BRDT: variants seen among roughly 807,000 people sequenced by gnomAD.
BRDT encodes the protein bromodomain testis-specific protein.
In BRDT, 77 loss-of-function variants were observed where a neutral mutation model predicts 113.9. That is an observed-to-expected ratio of 0.68 (90% confidence interval 0.56 to 0.82). BRDT has a LOEUF of 0.82. BRDT is among the 40% of genes least tolerant of loss of function. The pLI, the probability that BRDT is intolerant of heterozygous loss-of-function variation, is 0.00. For synonymous variants in BRDT, 358 were observed against 366.5 expected, an observed-to-expected ratio of 0.98 and a Z score of 0.26; for missense variants, 1,027 against 1,105.4, an observed-to-expected ratio of 0.93 and a Z score of 1.01.
chr1:91,978,671 A>G (rs1684387490), intron 7 of BRDT, among the ~76,000 whole-genome samples: 1 of 152,138 alleles, frequency 6.6e-6, no homozygotes, highest in Non-Finnish European at 1.5e-5. Flanking sequence ...TGCAGGTAAT[A>G]GAATGATCTA....
At chr1:91,957,310 G>A (rs892349890) in intron 1 of BRDT, among the ~76,000 whole-genome samples, 34 of 152,054 alleles carry the variant, frequency 2.2e-4, no homozygotes, top group African/African-American at 7.5e-4. Context: ...TGGCTAACAC[G>A]GTGAAACCCT....
rs761217761 is a variant in BRDT at position 92,002,081 on chromosome 1, G to A, written c.2320G>A (p.Val774Met). 6.2e-7 allele frequency: 1 copy of A among 1,613,846 alleles called. No individual in the cohort carries two copies. Among genetic ancestry groups the A allele is most frequent in the Non-Finnish European group, 8.5e-7 (1 of 1,179,804 alleles). Residue 774 changes from valine to methionine, a missense_variant, in exon 16 of 19, where the codon GTG becomes ATG. By Grantham distance (21) the Val-to-Met change is conservative. Transcript: ENST00000399546. Reference sequence around the variant, plus strand: ...TGAACAGCTCTCAAATGGCATAACTGTGATGCATCCATCTGGTGATAGTGA... The same window carrying A: ...TGAACAGCTCTCAAATGGCATAACTATGATGCATCCATCTGGTGATAGTGA... ...DSEQLSNGIT[V>M]MHPSGDSDTT...
intron 15 of BRDT, among the ~76,000 whole-genome samples, chr1:91,995,951 T>C (rs922799603): frequency 2.0e-5 from 3 of 152,148 alleles, no homozygotes; most frequent in African/African-American, 7.2e-5. Flanking sequence ...TATCTCTTCA[T>C]TGTGGGGAAG....
In BRDT at chr1:91,979,575, T is replaced by A. The variant is rs1208990497; in HGVS notation, c.1105T>A (p.Phe369Ile). The change falls in exon 8 of 19, where the codon TTC (phenylalanine) becomes ATC (isoleucine). Residue 369 changes from phenylalanine to isoleucine, a missense_variant. Transcript: ENST00000399546. ...AACTAATTTTTCATTACAGGATGTT[T>A]TCGAAACGCATTTTTCAAAGATCCC... is the stretch of plus-strand genomic sequence containing the variant. ...VTMARMLQDVFETHFSKIPIE... is the reference protein window; with the variant it reads ...VTMARMLQDVIETHFSKIPIE... The A allele has an allele frequency of 6.2e-6, 10 of 1,606,868 alleles. No individual in the cohort carries two copies. In the African/African-American group the frequency reaches 1.1e-4, roughly 17 times the overall value.
intron 15 of BRDT, among the ~76,000 whole-genome samples, chr1:92,000,837 C>T (rs926336268): frequency 1.3e-5 from 2 of 152,166 alleles, no homozygotes; most frequent in East Asian, 3.8e-4. Flanking sequence ...ATTTTGTTGG[C>T]ATACATAAGC....
intron 16 of BRDT, among the ~76,000 whole-genome samples, chr1:92,003,884 G>A (rs989702333): frequency 3.3e-5 from 5 of 151,858 alleles, no homozygotes; most frequent in Admixed American, 6.6e-5. Context: ...ATTTCTGGTG[G>A]GCAGCACTAA....
intron 14 of BRDT, 59 bp downstream of exon 14, chr1:91,992,373 G>A (rs1685870372): frequency 1.8e-6 from 2 of 1,112,992 alleles, no homozygotes; most frequent in East Asian, 2.9e-5. Flanking sequence ...TATAGATTAG[G>A]GGCTTACTTT....
chr1:91,992,217 T>C, intron 13 of BRDT, 47 bp from the exon 14 acceptor site: 1 of 1,034,192 alleles, frequency 9.7e-7, no homozygotes, highest in Non-Finnish European at 1.4e-6. Context: ...AATCACATGG[T>C]TAAGAGATAA....
intron 18 of BRDT, among the ~76,000 whole-genome samples, chr1:92,011,885 G>A (rs949773293): frequency 7.9e-5 from 12 of 152,088 alleles, no homozygotes; most frequent in East Asian, 3.8e-4. Context: ...GTTCCCAAAC[G>A]TTTACCTCAT....
At chr1:91,976,491 T>C (rs1433340269) in intron 5 of BRDT, 53 bp downstream of exon 5, 1 of 1,441,502 alleles carries the variant, frequency 6.9e-7, no homozygotes, top group Non-Finnish European at 9.2e-7. Context: ...GATTTTTTTT[T>C]TCCATTTATA....
rs367775340 is a variant in BRDT at position 91,986,464 on chromosome 1, A to G, written c.2002+4709A>G. Among the ~76,000 whole-genome samples, 58 of 152,294 alleles carry G rather than the reference A, an allele frequency of 3.8e-4. 1 individual carries two copies. In the South Asian group the frequency reaches 0.012, roughly 31 times the overall value. ...AATTTTTTCAGTGTACTTAATTTCA[A>G]TTTTTACAGAGTTAAACACAAAGAA... On this transcript the variant is annotated intron_variant, in intron 12 of 18. Coordinates refer to ENST00000399546, the MANE Select transcript of BRDT (RefSeq NM_207189.4).
rs1422067452 is a variant in BRDT, at chr1:92,004,463, T to C, written c.2438T>C (p.Val813Ala). 1 of 1,610,634 alleles carries C rather than the reference T, an allele frequency of 6.2e-7. No individual in the cohort carries two copies. Among genetic ancestry groups the C allele is most frequent in the East Asian group, 2.2e-5 (1 of 44,790 alleles). ...ADSWKSLGKPVKPSGVMKSSD... is the reference protein window; with the variant it reads ...ADSWKSLGKPAKPSGVMKSSD... ...TCATGGAAAAGTTTAGGCAAACCAG[T>C]GAAACCATCAGGTGTAATGAAATCC... The change falls in exon 17 of 19, where the codon GTG (valine) becomes GCG (alanine). Residue 813 changes from valine to alanine, a missense_variant. Val to Ala is a moderately conservative substitution (Grantham distance 64). Transcript: ENST00000399546.
At chr1:91,954,663 G>A (rs1457463108) in intron 1 of BRDT, among the ~76,000 whole-genome samples, 1 of 152,158 alleles carries the variant, frequency 6.6e-6, no homozygotes, top group Non-Finnish European at 1.5e-5. Context: ...AACATTAGAA[G>A]CAATAGTGGA....
Position 91,986,876 on chromosome 1 carries a change from A to G in BRDT, c.2003-4308A>G, listed in dbSNP as rs1685290136. On this transcript the variant is annotated intron_variant, in intron 12 of 18. Transcript: ENST00000399546. Reference sequence around the variant, plus strand: ...GGAAAGCCTCTAAATAATCTTTGCCATTCAAACTAGAAAGCTAAAGGTACA... The same window carrying G: ...GGAAAGCCTCTAAATAATCTTTGCCGTTCAAACTAGAAAGCTAAAGGTACA... 2.6e-5 allele frequency among the ~76,000 whole-genome samples: 4 copies of G among 152,272 alleles called. 1 individual carries two copies. The highest frequency in any genetic ancestry group is 9.6e-5 in the African/African-American group (4 of 41,564).
rs1019686259 is a variant in BRDT, at chr1:92,014,214, T to C, written c.2784T>C (p.Gly928=). 1 of 1,587,742 alleles carries C rather than the reference T, an allele frequency of 6.3e-7. No individual in the cohort carries two copies. Among genetic ancestry groups the C allele is most frequent in the African/African-American group, 1.4e-5 (1 of 73,714 alleles). Reference sequence around the variant, plus strand: ...TTCTGCTTTTTCTACAGATGGTGGGTACCATTGATATGACCCTTCAAAGTG... The same window carrying C: ...TTCTGCTTTTTCTACAGATGGTGGGCACCATTGATATGACCCTTCAAAGTG... The part of the protein sequence containing the change: ...QERRRREAMV[G]TIDMTLQSDI... Residue 928 remains glycine, a synonymous_variant, in exon 19 of 19, where the codon GGT becomes GGC. Transcript: ENST00000399546.
intron 14 of BRDT, 21 bp downstream of exon 14, chr1:91,992,335 T>G (rs768477785): frequency 6.8e-7 from 1 of 1,475,162 alleles, no homozygotes; most frequent in Admixed American, 2.4e-5. Context: ...AAATGTGTTT[T>G]AAAGAACAGG....
chr1:91,976,949 A>G (rs765074423), intron 5 of BRDT, 94 bp from the exon 6 acceptor site: 328 of 977,886 alleles, frequency 3.4e-4, no homozygotes, highest in Non-Finnish European at 3.4e-4. Context: ...ACTTGGTGCC[A>G]ATAATCTTTC....
intron 1 of BRDT, 144 bp from the exon 2 acceptor site, chr1:91,962,574 T>TC (rs767766892): frequency 3.2e-5 from 13 of 401,394 alleles, no homozygotes; most frequent in Non-Finnish European, 4.4e-5. Flanking sequence ...CCTCAAGTGA[T>TC]CCACCCGCCT....
At chr1:91,964,828 A>C in intron 3 of BRDT, 64 bp downstream of exon 3, 1 of 1,149,928 alleles carries the variant, frequency 8.7e-7, no homozygotes, top group Non-Finnish European at 1.2e-6. Flanking sequence ...GAAATGTATA[A>C]AATCATGTGA....
Sources: allele counts gnomAD v4.1 joint callset (sites outside exome capture counted in the v4.1 genomes callset), GRCh38; gene constraint gnomAD v4.1.1; transcripts MANE v1.5; gene names NCBI Gene and HGNC (gene_info 2026-07-23, HGNC 2026-07-21).